PIP4K2A: variants seen among roughly 807,000 people sequenced by gnomAD.
PIP4K2A encodes phosphatidylinositol-5-phosphate 4-kinase type 2 alpha.
Under a neutral mutation model 42.9 loss-of-function variants are expected in PIP4K2A, and 14 were observed. That is an observed-to-expected ratio of 0.33 (90% CI 0.22 to 0.51). PIP4K2A has a LOEUF of 0.51. Ranked by LOEUF, PIP4K2A falls within the 20% of genes least tolerant of loss-of-function variation. The pLI, the probability that PIP4K2A is intolerant of heterozygous loss-of-function variation, is 0.97. For missense variants in PIP4K2A, 434 were observed against 519.8 expected (o/e 0.83, Z 1.61); for synonymous variants, 192 against 192.2 (o/e 1.00, Z 0.01).
intron 1 of PIP4K2A, among the ~76,000 whole-genome samples, chr10:22,639,671 T>C (rs1482355518): frequency 2.0e-5 from 3 of 152,192 alleles, no homozygotes; most frequent in African/African-American, 7.2e-5. Context: ...AAAATCCCTA[T>C]GTGAACTTAT....
chr10:22,663,986 C>G (rs1428529303), intron 1 of PIP4K2A, among the ~76,000 whole-genome samples: 3 of 142,928 alleles, frequency 2.1e-5, no homozygotes, highest in Non-Finnish European at 3.0e-5. Flanking sequence ...TTACTAGGGT[C>G]AGGGGTATGC....
At chr10:22,607,372 C>T (rs997463144) in intron 3 of PIP4K2A, among the ~76,000 whole-genome samples, 1 of 152,136 alleles carries the variant, frequency 6.6e-6, no homozygotes, top group East Asian at 1.9e-4. Context: ...GAAGATGTAC[C>T]ACAGGACACG....
chr10:22,615,977 C>A (rs746646447), intron 1 of PIP4K2A, among the ~76,000 whole-genome samples: 13 of 152,182 alleles, frequency 8.5e-5, no homozygotes, highest in Non-Finnish European at 1.8e-4. Flanking sequence ...TTATGCCGTG[C>A]CAGTCACCCC....
chr10:22,628,758 G>C (rs1838495599), intron 1 of PIP4K2A, among the ~76,000 whole-genome samples: 1 of 152,206 alleles, frequency 6.6e-6, no homozygotes, highest in Non-Finnish European at 1.5e-5. Context: ...TCTGAGTTAG[G>C]ATAAGGGGTT....
At chr10:22,567,307 C>T (rs975734016) in intron 6 of PIP4K2A, among the ~76,000 whole-genome samples, 1 of 152,058 alleles carries the variant, frequency 6.6e-6, no homozygotes, top group African/African-American at 2.4e-5. Flanking sequence ...TCCAATAAGC[C>T]AGGAAAAGAG....
chr10:22,712,229 A>G (rs1219922405), intron 1 of PIP4K2A, among the ~76,000 whole-genome samples: 1 of 152,196 alleles, frequency 6.6e-6, no homozygotes, highest in Non-Finnish European at 1.5e-5. Context: ...TTAGCAAGAA[A>G]CTCTAAAACA....
At chr10:22,646,922 A>G (rs1838896717) in intron 1 of PIP4K2A, among the ~76,000 whole-genome samples, 1 of 81,454 alleles carries the variant, frequency 1.2e-5, no homozygotes, top group Non-Finnish European at 3.1e-5. Flanking sequence ...TCTTCAAGAC[A>G]AAACAAAACA....
At chr10:22,612,770 A>C (rs1838083418) in intron 1 of PIP4K2A, among the ~76,000 whole-genome samples, 1 of 152,158 alleles carries the variant, frequency 6.6e-6, no homozygotes, top group Admixed American at 6.5e-5. Context: ...TTAAGAGAAG[A>C]GTTCAGTTTT....
chr10:22,671,626 C>CA (rs1839452020), intron 1 of PIP4K2A, among the ~76,000 whole-genome samples: 1 of 152,076 alleles, frequency 6.6e-6, no homozygotes, highest in South Asian at 2.1e-4. Flanking sequence ...CAAAGGGGTA[C>CA]AACCAGATCT....
intron 5 of PIP4K2A, among the ~76,000 whole-genome samples, chr10:22,569,849 A>C (rs1836941783): frequency 6.6e-6 from 1 of 152,196 alleles, no homozygotes; most frequent in South Asian, 2.1e-4. Context: ...ATAGAAAAGG[A>C]AGGCCAAGAG....
intron 1 of PIP4K2A, among the ~76,000 whole-genome samples, chr10:22,629,877 C>T (rs574072300): frequency 6.6e-6 from 1 of 152,220 alleles, no homozygotes; most frequent in East Asian, 1.9e-4. Flanking sequence ...GGGAGCCCTC[C>T]TTTCTATAAG....
chr10:22,550,561 T>G (rs1588619028), intron 7 of PIP4K2A, 98 bp downstream of exon 7: 2 of 765,306 alleles, frequency 2.6e-6, no homozygotes, highest in East Asian at 2.4e-5. Context: ...GGTTTTTGCC[T>G]TGATTGAAGA....
At chr10:22,643,411 T>G (rs888365699) in intron 1 of PIP4K2A, among the ~76,000 whole-genome samples, 3 of 152,176 alleles carry the variant, frequency 2.0e-5, no homozygotes. Context: ...TTACTGTCTT[T>G]TTGCAGAAAA....
intron 1 of PIP4K2A, among the ~76,000 whole-genome samples, chr10:22,683,887 G>C (rs1379927600): frequency 6.6e-6 from 1 of 151,078 alleles, no homozygotes; most frequent in Non-Finnish European, 1.5e-5. Context: ...TTCAAAGTGT[G>C]TCAGATCTTG....
intron 4 of PIP4K2A, among the ~76,000 whole-genome samples, chr10:22,586,569 T>C (rs1166562277): frequency 2.0e-5 from 3 of 152,162 alleles, no homozygotes; most frequent in Non-Finnish European, 4.4e-5. Flanking sequence ...CTCGTTCTGT[T>C]ACCCAGGCTG....
In PIP4K2A at chr10:22,714,398, G is replaced by A. The variant is rs1018903682; in HGVS notation, c.-72C>T. 2 of 1,129,708 alleles carry A rather than the reference G, an allele frequency of 1.8e-6. No individual in the cohort carries two copies. Among genetic ancestry groups the A allele is most frequent in the East Asian group, 3.9e-5 (1 of 25,766 alleles). 70.0% of individuals were successfully genotyped at this position (1,129,708 alleles called of 1,614,324 possible). A position where few individuals can be genotyped will look rare whatever the true frequency, so the allele number is the denominator to read the frequency against. ...ACCCGCCCTCTCTACACCCCGGCCC[G>A]GGGAGGCAGCCGCATCCCCCCGGCG... On this transcript the variant is annotated 5_prime_UTR_variant, in exon 1 of 10. Coordinates refer to ENST00000376573, the MANE Select transcript of PIP4K2A (RefSeq NM_005028.5).
intron 1 of PIP4K2A, among the ~76,000 whole-genome samples, chr10:22,648,922 A>C (rs1778345): frequency 6.6e-6 from 1 of 152,050 alleles, no homozygotes; most frequent in Non-Finnish European, 1.5e-5. Flanking sequence ...CATTTGCTTG[A>C]GGGCAGAAAG....
chr10:22,569,797 T>C (rs1408681483), intron 5 of PIP4K2A, among the ~76,000 whole-genome samples: 3 of 151,840 alleles, frequency 2.0e-5, no homozygotes, highest in Non-Finnish European at 4.4e-5. Flanking sequence ...ACAAAACTCA[T>C]CCAAGTTTAA....
intron 6 of PIP4K2A, among the ~76,000 whole-genome samples, chr10:22,554,996 T>C (rs561819975): frequency 6.6e-6 from 1 of 152,208 alleles, no homozygotes; most frequent in Non-Finnish European, 1.5e-5. Context: ...GGATTCCAAG[T>C]GGCATTCATC....
Sources: allele counts gnomAD v4.1 joint callset (sites outside exome capture counted in the v4.1 genomes callset), GRCh38; gene constraint gnomAD v4.1.1; transcripts MANE v1.5; gene names NCBI Gene and HGNC (gene_info 2026-07-23, HGNC 2026-07-21).